SLC9C1: variants seen among roughly 807,000 people sequenced by gnomAD.
The protein encoded by SLC9C1 is sodium/hydrogen exchanger 10.
In SLC9C1, 97 loss-of-function variants were observed where a neutral mutation model predicts 140.9. The ratio of observed to expected loss-of-function variants is 0.69; its 90% confidence interval spans 0.58 to 0.82. The LOEUF (loss-of-function observed/expected upper bound fraction) is 0.82. Among genes scored for constraint, SLC9C1 ranks in the 40% least tolerant of loss-of-function variants. The pLI, the probability that SLC9C1 is intolerant of heterozygous loss-of-function variation, is 0.00. For missense variants in SLC9C1, 1,340 were observed against 1,389.3 expected, an observed-to-expected ratio of 0.96 and a Z score of 0.56; for synonymous variants, 440 against 442.6, an observed-to-expected ratio of 0.99 and a Z score of 0.07.
Position 112,274,490 on chromosome 3 carries a change from C to A in SLC9C1, c.613+407G>T, listed in dbSNP as rs2080161444. Among the ~76,000 whole-genome samples the A allele has an allele frequency of 2.0e-5, 3 of 152,066 alleles. No individual in the cohort carries two copies. In the South Asian group the frequency reaches 6.2e-4, roughly 32 times the overall value. On this transcript the variant is annotated intron_variant, in intron 6 of 28. Coordinates refer to ENST00000305815, the MANE Select transcript of SLC9C1 (RefSeq NM_183061.3). ...TCATACTTCCTCCCTTATTTGACAC[C>A]TTTTTATGTTGCCTGCATGAGATAT... is the stretch of plus-strand genomic sequence containing the variant.
chr3:112,264,288 G>A lies in SLC9C1; in HGVS notation c.934C>T (p.Leu312Phe). 6.7e-7 allele frequency: 1 copy of A among 1,483,544 alleles called. No homozygotes were observed. The highest frequency in any genetic ancestry group is 1.4e-5 in the South Asian group (1 of 69,646). 91.9% of individuals were successfully genotyped at this position (1,483,544 alleles called of 1,614,324 possible). A position where few individuals can be genotyped will look rare whatever the true frequency, so the allele number is the denominator to read the frequency against. ...AFLMVFTFFG[L>F]LIPAHTYLYI... ...AAATATGTATGTGCAGGAATTAGAA[G>A]TCCAAAGAAAGTAAACACCATGAGA... The change falls in exon 9 of 29, where the codon CTT (leucine) becomes TTT (phenylalanine). Residue 312 changes from leucine (L) to phenylalanine (F), a missense_variant. Physicochemically the swap from Leu to Phe is conservative, Grantham distance 22. Coordinates refer to ENST00000305815, the MANE Select transcript of SLC9C1 (RefSeq NM_183061.3).
At chr3:112,271,086 G>A (rs1369401357) in intron 6 of SLC9C1, among the ~76,000 whole-genome samples, 5 of 151,952 alleles carry the variant, frequency 3.3e-5, no homozygotes, top group Admixed American at 6.6e-5. Context: ...GGAAAATACC[G>A]CATGATCTTA....
chr3:112,285,674 A>G (rs1284783523), intron 2 of SLC9C1, among the ~76,000 whole-genome samples: 2 of 152,344 alleles, frequency 1.3e-5, no homozygotes, highest in Middle Eastern at 3.4e-3. Flanking sequence ...CAAGCAAGGG[A>G]GTCCGCATAT....
At chr3:112,245,210 A>G (rs9863061) in intron 10 of SLC9C1, among the ~76,000 whole-genome samples, 89,910 of 151,996 alleles carry the variant, frequency 0.59, 27,109 homozygotes, top group East Asian at 0.79. Flanking sequence ...TTTAATTTGC[A>G]TTTCCTTAGA....
intron 10 of SLC9C1, among the ~76,000 whole-genome samples, chr3:112,247,745 T>C (rs573761598): frequency 1.7e-5 from 2 of 116,796 alleles, no homozygotes; most frequent in Non-Finnish European, 3.8e-5. Context: ...CAAGCCCAAA[T>C]ATTAACCATA....
At chr3:112,156,897 T>C (rs1047758661) in intron 26 of SLC9C1, among the ~76,000 whole-genome samples, 2 of 151,942 alleles carry the variant, frequency 1.3e-5, no homozygotes, top group Non-Finnish European at 2.9e-5. Flanking sequence ...TATTGAATTA[T>C]GTTCCTTATA....
At chr3:112,274,449 G>A (rs1156254051) in intron 6 of SLC9C1, among the ~76,000 whole-genome samples, 1 of 152,086 alleles carries the variant, frequency 6.6e-6, no homozygotes, top group Non-Finnish European at 1.5e-5. Flanking sequence ...CTCTGGCCCT[G>A]TAGATGGCTA....
In SLC9C1 at chr3:112,180,596, C is replaced by A; in HGVS notation, c.2716G>T (p.Gly906Ter). 6.8e-6 allele frequency: 11 copies of A among 1,613,142 alleles called. No individual in the cohort carries two copies. The highest frequency in any genetic ancestry group is 9.3e-6 in the Non-Finnish European group (11 of 1,179,728). ...ATGCCTGAAATAATGATATAGATTCCTTTGGGCTCATCACCTTCTTCAAAT... is the reference window on the plus strand; with the variant it reads ...ATGCCTGAAATAATGATATAGATTCATTTGGGCTCATCACCTTCTTCAAAT... ...DIFEEGDEPKGIYIIISGMVK... is the reference protein window; with the variant it reads ...DIFEEGDEPK Residue 906 changes from glycine to a stop codon, truncating the protein, a stop_gained, in exon 22 of 29, where the codon GGA becomes TGA. Transcript: ENST00000305815. LOFTEE classifies it high-confidence loss of function.
At chr3:112,240,117 T>C (rs928132753) in intron 11 of SLC9C1, 111 bp from the exon 12 acceptor site, 8 of 1,038,418 alleles carry the variant, frequency 7.7e-6, no homozygotes, top group Non-Finnish European at 1.1e-5. Context: ...AAATAAAATT[T>C]CAACATAAAC....
intron 5 of SLC9C1, among the ~76,000 whole-genome samples, chr3:112,275,904 ATG>A (rs2080201351): frequency 5.2e-5 from 4 of 77,568 alleles, no homozygotes; most frequent in Non-Finnish European, 1.1e-4. Flanking sequence ...ATGAGACTCG[ATG>A]AGAGCAGAAA....
At chr3:112,222,714 A>G (rs1245990543) in intron 13 of SLC9C1, among the ~76,000 whole-genome samples, 1 of 152,140 alleles carries the variant, frequency 6.6e-6, no homozygotes, top group Admixed American at 6.5e-5. Context: ...CTTGTACACC[A>G]TATTTTCCTG....
intron 12 of SLC9C1, among the ~76,000 whole-genome samples, chr3:112,231,947 C>A (rs893174001): frequency 6.6e-6 from 1 of 152,084 alleles, no homozygotes; most frequent in Admixed American, 6.6e-5. Flanking sequence ...TAAAGCTTGA[C>A]AACCACTGCT....
chr3:112,144,217 G>GC (rs1484882992), intron 28 of SLC9C1, among the ~76,000 whole-genome samples: 2 of 125,090 alleles, frequency 1.6e-5, no homozygotes, highest in African/African-American at 6.1e-5. Context: ...TCGCACTGTC[G>GC]CCCGGGCTGG....
intron 28 of SLC9C1, among the ~76,000 whole-genome samples, chr3:112,149,402 G>T (rs1219387687): frequency 6.6e-6 from 1 of 152,068 alleles, no homozygotes; most frequent in Non-Finnish European, 1.5e-5. Flanking sequence ...GGTGGGTCAG[G>T]CTGCTGATCC....
At chr3:112,240,275 T>A (rs1028876605) in intron 11 of SLC9C1, among the ~76,000 whole-genome samples, 1 of 152,246 alleles carries the variant, frequency 6.6e-6, no homozygotes, top group Non-Finnish European at 1.5e-5. Context: ...TTTCATGCAT[T>A]AAGTTTTTGG....
chr3:112,225,203 T>C (rs11926968), intron 13 of SLC9C1, among the ~76,000 whole-genome samples: 44,983 of 151,988 alleles, frequency 0.3, 7,223 homozygotes, highest in East Asian at 0.43. Flanking sequence ...AGAAACTTTA[T>C]AGGCCAGAAA....
In SLC9C1 at chr3:112,197,019, T is replaced by C. The variant is rs566991684; in HGVS notation, c.2523+2302A>G. Among the ~76,000 whole-genome samples the C allele has an allele frequency of 3.4e-3, 523 of 152,280 alleles. 1 individual carries two copies. The highest frequency in any genetic ancestry group is 5.1e-3 in the Non-Finnish European group (347 of 68,012). ...TAATTCTGGAACTCAGACTCTCCCTTTTTCCCCAGAATTTGCTGTTTTGTT... is the reference window on the plus strand; with the variant it reads ...TAATTCTGGAACTCAGACTCTCCCTCTTTCCCCAGAATTTGCTGTTTTGTT... On this transcript the variant is annotated intron_variant, in intron 20 of 28. Transcript: ENST00000305815.
At chr3:112,215,742 G>C (rs533508206) in intron 15 of SLC9C1, among the ~76,000 whole-genome samples, 1 of 152,132 alleles carries the variant, frequency 6.6e-6, no homozygotes, top group Non-Finnish European at 1.5e-5. Context: ...CATGCTCTGG[G>C]GTAGGAAGAA....
rs1298279437 is a variant in SLC9C1, at chr3:112,185,466, C to T, written c.2524-3208G>A. On this transcript the variant is annotated intron_variant, in intron 20 of 28. Transcript: ENST00000305815. ...CCCTCTATGAAACAGTTTTTTCCAG[C>T]GTGGGGCGCAGAGTTACACCTGGCT... The T allele has an allele frequency of 1.9e-6, 3 of 1,602,282 alleles. No individual in the cohort carries two copies. In the East Asian group the frequency reaches 6.7e-5, roughly 36 times the overall value.
Sources: allele counts gnomAD v4.1 joint callset (sites outside exome capture counted in the v4.1 genomes callset), GRCh38; gene constraint gnomAD v4.1.1; transcripts MANE v1.5; gene names NCBI Gene and HGNC (gene_info 2026-07-23, HGNC 2026-07-21).